The following THSD7A variants were observed in gnomAD, a reference collection of about 807,000 sequenced individuals.
THSD7A encodes the protein thrombospondin type-1 domain-containing protein 7A.
A neutral mutation model predicts 231.3 loss-of-function variants in THSD7A; 96 were observed. That is an observed-to-expected ratio of 0.41 (90% CI 0.35 to 0.49). THSD7A has a LOEUF of 0.49. Ranked by LOEUF, THSD7A falls within the 20% of genes least tolerant of loss-of-function variation. The pLI is 0.05. For synonymous variants in THSD7A, 940 were observed against 743.3 expected (o/e 1.26, Z -4.30); for missense variants, 2,290 against 2,070.2 (o/e 1.11, Z -2.06).
intron 4 of THSD7A, among the ~76,000 whole-genome samples, chr7:11,571,558 G>C (rs2128334701): frequency 6.6e-6 from 1 of 152,250 alleles, no homozygotes; most frequent in East Asian, 1.9e-4. Context: ...TAAGTAACCT[G>C]TCCAAGATCA....
intron 2 of THSD7A, among the ~76,000 whole-genome samples, chr7:11,601,180 C>T (rs1003627834): frequency 2.0e-5 from 3 of 152,042 alleles, no homozygotes; most frequent in African/African-American, 4.8e-5. Context: ...ATATTTTTTT[C>T]GTATTCATAT....
intron 13 of THSD7A, among the ~76,000 whole-genome samples, chr7:11,443,378 T>A (rs982416192): frequency 2.0e-5 from 3 of 152,094 alleles, no homozygotes; most frequent in Admixed American, 2.0e-4. Flanking sequence ...TCTTGGTATC[T>A]AATTTATAAC....
intron 15 of THSD7A, among the ~76,000 whole-genome samples, chr7:11,426,407 G>C (rs1290540646): frequency 6.6e-6 from 1 of 152,160 alleles, no homozygotes; most frequent in African/African-American, 2.4e-5. Flanking sequence ...GATTAGCGAA[G>C]TGAAACTTGT....
chr7:11,573,552 A>C (rs11769542), intron 4 of THSD7A, among the ~76,000 whole-genome samples: 92,686 of 152,024 alleles, frequency 0.61, 28,406 homozygotes, highest in Middle Eastern at 0.68. Flanking sequence ...TTGGCCAATG[A>C]CTAAAAACAG....
chr7:11,593,542 G>A (rs762718176), intron 2 of THSD7A, 40 bp from the exon 3 acceptor site: 2 of 1,600,852 alleles, frequency 1.2e-6, no homozygotes, highest in Middle Eastern at 1.7e-4. Flanking sequence ...AGACTCACAG[G>A]CAGTTATGAA....
chr7:11,782,865 T>C (rs1433234699), intron 1 of THSD7A, among the ~76,000 whole-genome samples: 1 of 152,294 alleles, frequency 6.6e-6, no homozygotes, highest in East Asian at 1.9e-4. Flanking sequence ...AGTATATACA[T>C]TTTCTATTTT....
chr7:11,518,598 A>AACAC (rs138134072), intron 6 of THSD7A, among the ~76,000 whole-genome samples: 30,655 of 150,058 alleles, frequency 0.2, 3,184 homozygotes, highest in Middle Eastern at 0.26. Context: ...ATAAAATAGA[A>AACAC]ACACACACAC....
chr7:11,620,780 C>G (rs745727697), intron 2 of THSD7A, among the ~76,000 whole-genome samples: 3 of 152,148 alleles, frequency 2.0e-5, no homozygotes, highest in Non-Finnish European at 4.4e-5. Flanking sequence ...CTTCATTTGC[C>G]CCCAACAGGG....
chr7:11,530,929 T>C (rs1788683142), intron 6 of THSD7A, among the ~76,000 whole-genome samples: 1 of 152,006 alleles, frequency 6.6e-6, no homozygotes, highest in South Asian at 2.1e-4. Context: ...GAGAATTGCT[T>C]GAAACTCGGA....
intron 6 of THSD7A, among the ~76,000 whole-genome samples, chr7:11,540,030 A>G (rs1229984559): frequency 1.3e-5 from 2 of 152,218 alleles, no homozygotes; most frequent in Non-Finnish European, 2.9e-5. Context: ...TTAAAGTGTG[A>G]GTAAAAGAGA....
At chr7:11,683,235 G>A (rs1243492414) in intron 1 of THSD7A, among the ~76,000 whole-genome samples, 1 of 151,540 alleles carries the variant, frequency 6.6e-6, no homozygotes, top group African/African-American at 2.4e-5. Context: ...ACATGGAAAC[G>A]AAACAACTTG....
intron 1 of THSD7A, among the ~76,000 whole-genome samples, chr7:11,784,698 G>C (rs1398830907): frequency 1.3e-5 from 2 of 151,922 alleles, no homozygotes; most frequent in African/African-American, 4.8e-5. Flanking sequence ...TTATTCTACA[G>C]CTTGGAGCCA....
intron 6 of THSD7A, among the ~76,000 whole-genome samples, chr7:11,484,011 C>G (rs1180628807): frequency 6.6e-6 from 1 of 151,854 alleles, no homozygotes; most frequent in African/African-American, 2.4e-5. Context: ...TCCGCACTCC[C>G]CCTGCCCCCC....
chr7:11,675,974 C>T (rs1783622309), intron 1 of THSD7A, among the ~76,000 whole-genome samples: 2 of 152,214 alleles, frequency 1.3e-5, no homozygotes, highest in South Asian at 4.1e-4. Flanking sequence ...GATGGGGAGA[C>T]ATCTCCCAAC....
In THSD7A at chr7:11,406,276, T is replaced by A; in HGVS notation, c.4237+24A>T. On this transcript the variant is annotated intron_variant, in intron 22 of 27. Transcript: ENST00000423059. The surrounding 1 kb of genome is among the most constrained non-coding windows in gnomAD (Gnocchi z 4.7). ...GTCCTAGGAAAAAATAATCAGAATATGAATTCTCCTTTGCCGTTGTTACCT... is the reference window on the plus strand; with the variant it reads ...GTCCTAGGAAAAAATAATCAGAATAAGAATTCTCCTTTGCCGTTGTTACCT... The A allele has an allele frequency of 6.3e-7, 1 of 1,583,662 alleles. No homozygotes were observed. The highest frequency in any genetic ancestry group is 8.6e-7 in the Non-Finnish European group (1 of 1,166,652).
chr7:11,593,385 CA>C lies in THSD7A; in HGVS notation c.1139del (p.Val380GlyfsTer8). On this transcript the variant is annotated frameshift_variant, in exon 3 of 28. Transcript: ENST00000423059. LOFTEE classifies it high-confidence loss of function. ...SPCSKTCHDM[V>X]SPAGTRVRTR... ...TCCTTACACGAGTGCCTGCAGGGGA[CA>C]CCATGTCATGGCATGTTTTTGAGCA... is the stretch of plus-strand genomic sequence containing the variant. 6.2e-7 allele frequency: 1 copy of C among 1,614,010 alleles called. No homozygotes were observed. The highest frequency in any genetic ancestry group is 8.5e-7 in the Non-Finnish European group (1 of 1,179,898).
chr7:11,584,087 C>T (rs188777827), intron 4 of THSD7A, among the ~76,000 whole-genome samples: 1 of 152,188 alleles, frequency 6.6e-6, no homozygotes, highest in East Asian at 1.9e-4. Context: ...TGTCATGCTC[C>T]TTATTGGCTT....
intron 11 of THSD7A, among the ~76,000 whole-genome samples, chr7:11,450,536 A>G (rs1247257702): frequency 1.3e-5 from 2 of 152,064 alleles, no homozygotes; most frequent in Non-Finnish European, 2.9e-5. Context: ...ATTCAAACAC[A>G]GAAATACAAT....
At chr7:11,671,517 A>G (rs1423311469) in intron 1 of THSD7A, among the ~76,000 whole-genome samples, 1 of 152,050 alleles carries the variant, frequency 6.6e-6, no homozygotes, top group Non-Finnish European at 1.5e-5. Flanking sequence ...TATTTATTGT[A>G]ATTTGCAGTT....
Sources: gnomAD v4.1 joint callset for allele counts (sites outside exome capture counted in the v4.1 genomes callset) on GRCh38, gnomAD v4.1.1 for gene constraint, Gnocchi (gnomAD v3.1) non-coding constraint, MANE v1.5 for transcripts, NCBI Gene and HGNC (gene_info 2026-07-23, HGNC 2026-07-21) for gene names.